The following BBS9 variants were observed in gnomAD, a reference collection of about 807,000 sequenced individuals.
BBS9 encodes the protein Bardet-Biedl syndrome 9.
BBS9 carries 89 observed loss-of-function variants against 117.7 expected under a neutral mutation model. The ratio of observed to expected loss-of-function variants is 0.76; its 90% CI spans 0.64 to 0.90. The LOEUF (loss-of-function observed/expected upper bound fraction) is 0.90. Among genes scored for constraint, BBS9 ranks in the 40% least tolerant of loss-of-function variants. The pLI, the probability that BBS9 is intolerant of heterozygous loss-of-function variation, is 0.00. For missense variants in BBS9, 982 were observed against 1,042.2 expected (o/e 0.94, Z 0.80); for synonymous variants, 379 against 370.9 (o/e 1.02, Z -0.25).
intron 5 of BBS9, among the ~76,000 whole-genome samples, chr7:33,207,087 G>A (rs76655259): frequency 2.6e-5 from 4 of 152,164 alleles, no homozygotes; most frequent in African/African-American, 7.2e-5. Context: ...TCACATAGAA[G>A]CATCCTCATT....
At chr7:33,185,596 A>C (rs1312244491) in intron 5 of BBS9, among the ~76,000 whole-genome samples, 1 of 152,170 alleles carries the variant, frequency 6.6e-6, no homozygotes, top group Non-Finnish European at 1.5e-5. Context: ...TGATGTCTTT[A>C]ATGTATATTT....
chr7:33,223,658 GCT>G (rs1790695912), intron 5 of BBS9, among the ~76,000 whole-genome samples: 1 of 151,428 alleles, frequency 6.6e-6, no homozygotes, highest in South Asian at 2.1e-4. Flanking sequence ...CACTTACTGT[GCT>G]CTCTTACACT....
chr7:33,245,392 T>A (rs760139135), intron 5 of BBS9, among the ~76,000 whole-genome samples: 1 of 152,164 alleles, frequency 6.6e-6, no homozygotes, highest in Non-Finnish European at 1.5e-5. Flanking sequence ...TTTGACTTAG[T>A]TCTAACTCTG....
chr7:33,134,857 A>G (rs1187661451), intron 1 of BBS9, among the ~76,000 whole-genome samples: 3 of 151,992 alleles, frequency 2.0e-5, no homozygotes, highest in Non-Finnish European at 4.4e-5. Context: ...CAGCCTCCCA[A>G]AGTGTTGGGA....
chr7:33,569,707 A>T (rs865837435), intron 21 of BBS9, among the ~76,000 whole-genome samples: 73 of 152,304 alleles, frequency 4.8e-4, no homozygotes, highest in African/African-American at 1.5e-3. Context: ...AATTGCAATG[A>T]GCCGAGATCG....
In BBS9 at chr7:33,337,575, C is replaced by T. The variant is rs530780914; in HGVS notation, c.1198+953C>T. ...CAAATATTAAAATAAAGTTATTATG[C>T]TTTGGTTTCACACATTCTTTTAGAA... On this transcript the variant is annotated intron_variant, in intron 10 of 22. Transcript: ENST00000242067. Among the ~76,000 whole-genome samples the T allele has an allele frequency of 1.1e-4, 17 of 152,054 alleles. No homozygotes were observed. The South Asian group carries it at 2.7e-3, about 24-fold the overall frequency.
chr7:33,208,215 T>G (rs1787329255), intron 5 of BBS9, among the ~76,000 whole-genome samples: 1 of 152,238 alleles, frequency 6.6e-6, no homozygotes, highest in African/African-American at 2.4e-5. Context: ...ATATGTTTCT[T>G]CTAAGTGAAT....
At chr7:33,297,530 T>C (rs1168279475) in intron 9 of BBS9, among the ~76,000 whole-genome samples, 1 of 152,182 alleles carries the variant, frequency 6.6e-6, no homozygotes, top group East Asian at 1.9e-4. Flanking sequence ...TCTGGCATCA[T>C]ATACCTTAAT....
chr7:33,295,184 A>G (rs953054994), intron 9 of BBS9, among the ~76,000 whole-genome samples: 1 of 152,154 alleles, frequency 6.6e-6, no homozygotes, highest in Non-Finnish European at 1.5e-5. Context: ...AGAGAAAAAG[A>G]GATACTAATT....
chr7:33,404,096 A>G (rs1829465537), intron 19 of BBS9, among the ~76,000 whole-genome samples: 1 of 152,284 alleles, frequency 6.6e-6, no homozygotes, highest in East Asian at 1.9e-4. Context: ...TTTATTAAAT[A>G]GGGAATCCTT....
At chr7:33,370,305 A>G (rs1207328844) in intron 17 of BBS9, among the ~76,000 whole-genome samples, 1 of 151,952 alleles carries the variant, frequency 6.6e-6, no homozygotes, top group Non-Finnish European at 1.5e-5. Flanking sequence ...TTAAAAAAAA[A>G]AAAAGAAAAG....
At chr7:33,415,767 C>A (rs1831901789) in intron 19 of BBS9, among the ~76,000 whole-genome samples, 1 of 152,142 alleles carries the variant, frequency 6.6e-6, no homozygotes. Flanking sequence ...TAGGAATAAG[C>A]CAGCTTCATC....
chr7:33,437,381 T>C lies in BBS9; in HGVS notation c.2115+49237T>C, dbSNP rs866848121. Among the ~76,000 whole-genome samples, 34 of 152,150 alleles carry C rather than the reference T, an allele frequency of 2.2e-4. 1 individual carries two copies. The highest frequency in any genetic ancestry group is 7.7e-4 in the African/African-American group (32 of 41,426). ...AAATAGAGCCAAGTGCTATATCAGG[T>C]TAACTCCAGGGTATTTTTAATGGAT... On this transcript the variant is annotated intron_variant, in intron 19 of 22. Transcript: ENST00000242067.
intron 19 of BBS9, among the ~76,000 whole-genome samples, chr7:33,403,074 C>A (rs756074627): frequency 5.3e-5 from 8 of 151,348 alleles, no homozygotes; most frequent in Non-Finnish European, 1.0e-4. Context: ...TACCATAATT[C>A]CTTTAAAATT....
chr7:33,585,597 T>C (rs4723295), intron 21 of BBS9, among the ~76,000 whole-genome samples: 18,677 of 152,044 alleles, frequency 0.12, 1,543 homozygotes, highest in Admixed American at 0.28. Context: ...TCTAGATCAC[T>C]ATTAAATGAG....
chr7:33,253,270 C>A (rs916252155), intron 5 of BBS9, among the ~76,000 whole-genome samples: 1 of 152,086 alleles, frequency 6.6e-6, no homozygotes, highest in African/African-American at 2.4e-5. Flanking sequence ...TATTTAAGAT[C>A]TGGGTTTGGT....
chr7:33,217,216 TTAAA>T (rs1241997694), intron 5 of BBS9, among the ~76,000 whole-genome samples: 4 of 151,830 alleles, frequency 2.6e-5, no homozygotes, highest in South Asian at 2.1e-4. Flanking sequence ...TTAAATGTAT[TTAAA>T]TAAATATATA....
chr7:33,192,298 A>G (rs1784246306), intron 5 of BBS9, among the ~76,000 whole-genome samples: 1 of 152,222 alleles, frequency 6.6e-6, no homozygotes, highest in Non-Finnish European at 1.5e-5. Flanking sequence ...TGAATTTACT[A>G]GAAGACAGAA....
chr7:33,351,719 T>C (rs904236349), intron 14 of BBS9, among the ~76,000 whole-genome samples: 1 of 151,916 alleles, frequency 6.6e-6, no homozygotes, highest in Non-Finnish European at 1.5e-5. Flanking sequence ...ACACAGTGAG[T>C]GAGGAGGGTG....
Sources: gnomAD v4.1 joint callset for allele counts (sites outside exome capture counted in the v4.1 genomes callset) on GRCh38, gnomAD v4.1.1 for gene constraint, MANE v1.5 for transcripts, NCBI Gene and HGNC (gene_info 2026-07-23, HGNC 2026-07-21) for gene names.